The following ADAMTS14 variants were observed in gnomAD, a reference collection of about 807,000 sequenced individuals.
The protein encoded by ADAMTS14 is ADAM metallopeptidase with thrombospondin type 1 motif 14.
In ADAMTS14, 100 loss-of-function variants were observed where a neutral mutation model predicts 128.6. That is an observed-to-expected ratio of 0.78 (90% CI 0.66 to 0.92). The LOEUF (loss-of-function observed/expected upper bound fraction) is 0.92. Ranked by LOEUF, ADAMTS14 falls within the 40% of genes least tolerant of loss-of-function variation. The probability of loss-of-function intolerance (pLI) is 0.00; values close to 1 mark genes in which losing one functional copy is unlikely to be tolerated. For missense variants in ADAMTS14, 1,562 were observed against 1,658.6 expected (o/e 0.94, Z 1.01); for synonymous variants, 665 against 653.8 (o/e 1.02, Z -0.26).
chr10:70,719,609 C>T (rs569672037), intron 4 of ADAMTS14, among the ~76,000 whole-genome samples: 30 of 152,122 alleles, frequency 2.0e-4, no homozygotes, highest in East Asian at 1.5e-3. Context: ...GGTCTCACTA[C>T]GTTGCTCAGA....
Position 70,744,184 on chromosome 10 carries a change from AG to A in ADAMTS14, c.2179del (p.Ala727GlnfsTer30). The A allele has an allele frequency of 6.5e-7, 1 of 1,531,014 alleles. No homozygotes were observed. The highest frequency in any genetic ancestry group is 8.8e-7 in the Non-Finnish European group (1 of 1,133,396). 94.8% of individuals were successfully genotyped at this position (1,531,014 alleles called of 1,614,324 possible). A position where few individuals can be genotyped will look rare whatever the true frequency, so the allele number is the denominator to read the frequency against. On this transcript the variant is annotated frameshift_variant, in exon 14 of 22. Coordinates refer to ENST00000373207, the MANE Select transcript of ADAMTS14 (RefSeq NM_080722.4). ...VKGTLGKASK[Q>X]AGALKLVQIP... ...GGGACGCTGGGCAAGGCCTCCAAGC[AG>A]GCAGGTGAGCCGGGCTGGGGCTGGG...
rs145982854 is a variant in ADAMTS14, at chr10:70,674,751, G to A, written c.278G>A (p.Gly93Glu). 63 of 1,613,362 alleles carry A rather than the reference G, an allele frequency of 3.9e-5. No individual in the cohort carries two copies. In the African/African-American group the frequency reaches 6.5e-4, roughly 17 times the overall value. ...GTGGCTCGCAGCCCTCTGCACCCAG[G>A]AGGGACCCTGTGGCCTGGCAGGGTG... ...LRVARSPLHP[G>E]GTLWPGRVGR... Residue 93 changes from glycine to glutamate, a missense_variant, in exon 2 of 22, where the codon GGA (glycine) becomes GAA (glutamate). By Grantham distance (98) the Gly-to-Glu change is moderately conservative. Coordinates refer to ENST00000373207, the MANE Select transcript of ADAMTS14 (RefSeq NM_080722.4).
At chr10:70,736,243 G>A (rs1841821959) in intron 9 of ADAMTS14, among the ~76,000 whole-genome samples, 1 of 149,376 alleles carries the variant, frequency 6.7e-6, no homozygotes, top group Non-Finnish European at 1.5e-5. Flanking sequence ...ACAGGGAGGT[G>A]GAGTCCCAGC....
At position 70,753,838 on chromosome 10, in the gene ADAMTS14, G is replaced by T; in HGVS notation, c.2768G>T (p.Cys923Phe). Residue 923 changes from cysteine to phenylalanine, a missense_variant, in exon 19 of 22, where the codon TGT (cysteine) becomes TTT (phenylalanine). Physicochemically the swap from Cys to Phe is radical, Grantham distance 205 (BLOSUM62 -2). Coordinates refer to ENST00000373207, the MANE Select transcript of ADAMTS14 (RefSeq NM_080722.4). ...GAGTGGGGTGCCTGCAGCCGGAGCTGTGGGAAGCTGGGGGTGCAGACACGG... is the reference window on the plus strand; with the variant it reads ...GAGTGGGGTGCCTGCAGCCGGAGCTTTGGGAAGCTGGGGGTGCAGACACGG... ...TEEWGACSRS[C>F]GKLGVQTRGI... The T allele has an allele frequency of 6.3e-7, 1 of 1,592,566 alleles. No homozygotes were observed. The highest frequency in any genetic ancestry group is 8.5e-7 in the Non-Finnish European group (1 of 1,170,626).
chr10:70,740,905 C>A, intron 11 of ADAMTS14, 82 bp from the exon 12 acceptor site: 1 of 1,436,126 alleles, frequency 7.0e-7, no homozygotes, highest in Non-Finnish European at 9.6e-7. Context: ...GGCTGAGCTG[C>A]TCCTGGTGGC....
At chr10:70,748,645 C>G (rs1254848198) in intron 15 of ADAMTS14, among the ~76,000 whole-genome samples, 5 of 152,242 alleles carry the variant, frequency 3.3e-5, no homozygotes, top group Admixed American at 2.0e-4. Context: ...CTCCAATTCC[C>G]CATCTGTATT....
intron 1 of ADAMTS14, among the ~76,000 whole-genome samples, 170 bp downstream of exon 1, chr10:70,673,054 T>C (rs1839530047): frequency 6.6e-6 from 1 of 152,204 alleles, no homozygotes; most frequent in African/African-American, 2.4e-5. Flanking sequence ...CACTGTCCCG[T>C]GATTTCTCTC....
At chr10:70,741,876 C>T (rs953032081) in intron 12 of ADAMTS14, among the ~76,000 whole-genome samples, 6 of 152,194 alleles carry the variant, frequency 3.9e-5, no homozygotes, top group African/African-American at 9.6e-5. Flanking sequence ...GTCAGAGCCT[C>T]GGCTGGAAGA....
At chr10:70,707,604 A>G (rs754470223) in intron 3 of ADAMTS14, among the ~76,000 whole-genome samples, 7 of 152,194 alleles carry the variant, frequency 4.6e-5, no homozygotes, top group Non-Finnish European at 5.9e-5. Context: ...TTACCCTTCT[A>G]CGTGGCGGCA....
chr10:70,708,563 C>T (rs752101201), intron 3 of ADAMTS14, 25 bp from the exon 4 acceptor site: 16 of 1,581,706 alleles, frequency 1.0e-5, no homozygotes, highest in Non-Finnish European at 1.2e-5. Context: ...GGTTGGACCT[C>T]ACTCTCTTCC....
At chr10:70,755,636 C>G (rs2185351) in intron 19 of ADAMTS14, among the ~76,000 whole-genome samples, 142,039 of 152,322 alleles carry the variant, frequency 0.93, 66,298 homozygotes, top group East Asian at 1. Context: ...CCTGGGGTCA[C>G]GAGTTCAAGA....
Position 70,730,142 on chromosome 10 carries a change from T to C in ADAMTS14, c.995T>C (p.Leu332Pro). 1.2e-6 allele frequency: 2 copies of C among 1,612,006 alleles called. No homozygotes were observed. The highest frequency in any genetic ancestry group is 4.5e-5 in the East Asian group (2 of 44,874). The stretch of plus-strand genomic sequence containing the variant: ...GAGCGCGGGAACCCCTCACGCAGCC[T>C]GGAGCAGGTGTGTCGCTGGGCACAC... ...LIERGNPSRS[L>P]EQVCRWAHSQ... is the part of the protein sequence containing the mutation. Residue 332 changes from leucine to proline, a missense_variant, in exon 6 of 22, where the codon CTG (leucine) becomes CCG (proline). Physicochemically the swap from Leu to Pro is moderately conservative, Grantham distance 98. Coordinates refer to ENST00000373207, the MANE Select transcript of ADAMTS14 (RefSeq NM_080722.4).
At position 70,760,394 on chromosome 10, in the gene ADAMTS14, C is replaced by A; in HGVS notation, c.3213C>A (p.Cys1071Ter). The change falls in exon 22 of 22, where the codon TGC (cysteine) becomes TGA (stop). Residue 1071 changes from cysteine (C) to a stop codon, truncating the protein, a stop_gained. Transcript: ENST00000373207. LOFTEE classifies it low-confidence loss of function (END_TRUNC). Reference protein sequence around the residue: ...EPCTGDRSVFCQMEVLDRYCS... With the variant: ...EPCTGDRSVF ...GCACGGGAGACAGGTCTGTCTTCTG[C>A]CAGATGGAAGTGCTCGATCGCTACT... The A allele has an allele frequency of 6.3e-7, 1 of 1,599,654 alleles. No individual in the cohort carries two copies. The highest frequency in any genetic ancestry group is 1.1e-5 in the South Asian group (1 of 89,180).
Position 70,702,375 on chromosome 10 carries a change from G to C in ADAMTS14, c.586G>C (p.Glu196Gln). 1 of 1,614,202 alleles carries C rather than the reference G, an allele frequency of 6.2e-7. No homozygotes were observed. Among genetic ancestry groups the C allele is most frequent in the Non-Finnish European group, 8.5e-7 (1 of 1,180,036 alleles). ...TGAGCCTCTGGAGCGGGGCCAGCAG[G>C]AGAAGGAGGCCAGCGGGAGGACACA... ...FIEPLERGQQ[E>Q]KEASGRTHVV... The change falls in exon 3 of 22, where the codon GAG (glutamate) becomes CAG (glutamine). Residue 196 changes from glutamate to glutamine, a missense_variant. By Grantham distance (29) the Glu-to-Gln change is conservative (BLOSUM62 2). Coordinates refer to ENST00000373207, the MANE Select transcript of ADAMTS14 (RefSeq NM_080722.4).
intron 4 of ADAMTS14, among the ~76,000 whole-genome samples, chr10:70,727,233 G>T (rs561219195): frequency 3.4e-4 from 52 of 152,340 alleles, no homozygotes; most frequent in South Asian, 8.3e-4. Flanking sequence ...CCCAGAAGGG[G>T]TATGCCAGCA....
chr10:70,762,387 A>T lies in ADAMTS14; in HGVS notation c.*1534A>T, dbSNP rs1842630333. Reference sequence around the variant, plus strand: ...CTGTGTTAAACTCTTGTGCCTTGGAAATCCAGATCTTTAAAATTTTATGTA... The same window carrying T: ...CTGTGTTAAACTCTTGTGCCTTGGATATCCAGATCTTTAAAATTTTATGTA... On this transcript the variant is annotated 3_prime_UTR_variant, in exon 22 of 22. Transcript: ENST00000373207. The T allele has an allele frequency of 6.6e-6, 1 of 152,274 alleles. No homozygotes were observed. The highest frequency in any genetic ancestry group is 2.1e-4 in the South Asian group (1 of 4,836). 9.4% of individuals were successfully genotyped at this position (152,274 alleles called of 1,614,324 possible). A position where few individuals can be genotyped will look rare whatever the true frequency, so the allele number is the denominator to read the frequency against.
Position 70,702,405 on chromosome 10 carries a change from G to T in ADAMTS14, c.616G>T (p.Val206Leu), listed in dbSNP as rs775080060. The T allele has an allele frequency of 1.2e-6, 2 of 1,613,926 alleles. No homozygotes were observed. Among genetic ancestry groups the T allele is most frequent in the African/African-American group, 1.3e-5 (1 of 74,922 alleles). Residue 206 changes from valine to leucine, a missense_variant, in exon 3 of 22, where the codon GTG (valine) becomes TTG (leucine). Physicochemically the swap from Val to Leu is conservative, Grantham distance 32. Transcript: ENST00000373207. ...GGAGGCCAGCGGGAGGACACATGTG[G>T]TGTACCGCCGGGAGGCCGTCCAGCA... ...EKEASGRTHV[V>L]YRREAVQQEW... is the part of the protein sequence containing the mutation.
rs1564552314 is a variant in ADAMTS14 at position 70,743,624 on chromosome 10, TG to T, written c.2004del (p.Thr669HisfsTer29). The T allele has an allele frequency of 6.2e-7, 1 of 1,612,260 alleles. No individual in the cohort carries two copies. The highest frequency in any genetic ancestry group is 1.3e-5 in the African/African-American group (1 of 74,826). The stretch of plus-strand genomic sequence containing the variant: ...TGTTCATGAACCAGGTGGTTCACGA[TG>T]GGACACGCTGCAGCTACCGGGACCC... The part of the protein sequence containing the change: ...VVFMNQVVHD[G>X]TRCSYRDPYS... On this transcript the variant is annotated frameshift_variant, in exon 13 of 22. Transcript: ENST00000373207. LOFTEE classifies it high-confidence loss of function.
chr10:70,707,307 C>T (rs1840697692), intron 3 of ADAMTS14, among the ~76,000 whole-genome samples: 1 of 152,212 alleles, frequency 6.6e-6, no homozygotes, highest in Non-Finnish European at 1.5e-5. Context: ...TTGTGGTGGC[C>T]TCTTCACATC....
Sources: allele counts gnomAD v4.1 joint callset (sites outside exome capture counted in the v4.1 genomes callset), GRCh38; gene constraint gnomAD v4.1.1; transcripts MANE v1.5; gene names NCBI Gene and HGNC (gene_info 2026-07-23, HGNC 2026-07-21).